The following CACNA1E variants were observed in gnomAD, a reference collection of about 807,000 sequenced individuals.
The protein encoded by CACNA1E is calcium voltage-gated channel subunit alpha1 E.
Under a neutral mutation model 259.2 loss-of-function variants are expected in CACNA1E, and 40 were observed. That is an observed-to-expected ratio of 0.15 (90% confidence interval 0.12 to 0.20). The LOEUF (loss-of-function observed/expected upper bound fraction) is 0.20. Among genes scored for constraint, CACNA1E ranks in the 10% least tolerant of loss-of-function variants. CACNA1E has a pLI of 1.00. For synonymous variants in CACNA1E, 1,104 were observed against 1,138.5 expected, an observed-to-expected ratio of 0.97 and a Z score of 0.61; for missense variants, 1,874 against 3,040.1, an observed-to-expected ratio of 0.62 and a Z score of 9.02.
chr1:181,611,620 C>T (rs1035261514), intron 6 of CACNA1E, among the ~76,000 whole-genome samples: 1 of 152,100 alleles, frequency 6.6e-6, no homozygotes, highest in African/African-American at 2.4e-5. Context: ...GTGGATCTAC[C>T]TCCAGAGGCC....
intron 1 of CACNA1E, among the ~76,000 whole-genome samples, chr1:181,372,407 T>A (rs1048491715): frequency 6.6e-6 from 1 of 152,174 alleles, no homozygotes; most frequent in Non-Finnish European, 1.5e-5. Flanking sequence ...TTGGATGTTA[T>A]TGGTGTATAG....
intron 3 of CACNA1E, among the ~76,000 whole-genome samples, chr1:181,569,644 A>G (rs1650206806): frequency 6.6e-6 from 1 of 152,184 alleles, no homozygotes; most frequent in Non-Finnish European, 1.5e-5. Context: ...ACCCCCTTTA[A>G]TTTGGATATC....
chr1:181,643,493 G>A (rs1657986705), intron 6 of CACNA1E, among the ~76,000 whole-genome samples: 1 of 152,168 alleles, frequency 6.6e-6, no homozygotes, highest in South Asian at 2.1e-4. Context: ...CCAAGAGCGT[G>A]GATGGGTTTT....
At chr1:181,361,273 C>A (rs1416456756) in intron 1 of CACNA1E, among the ~76,000 whole-genome samples, 5 of 152,076 alleles carry the variant, frequency 3.3e-5, no homozygotes, top group African/African-American at 7.2e-5. Context: ...TAAGCAGACT[C>A]AATGAGGGAA....
chr1:181,359,359 G>A (rs1165492006), intron 1 of CACNA1E, among the ~76,000 whole-genome samples: 2 of 152,278 alleles, frequency 1.3e-5, no homozygotes, highest in South Asian at 2.1e-4. Context: ...AGAAAGTGAC[G>A]TTTGCACTTG....
chr1:181,494,459 T>C (rs1349135427), intron 1 of CACNA1E, among the ~76,000 whole-genome samples: 2 of 152,174 alleles, frequency 1.3e-5, no homozygotes, highest in African/African-American at 4.8e-5. Flanking sequence ...TTTTTGAATC[T>C]AGATTCAGGA....
At chr1:181,529,845 T>C (rs1186356223) in intron 3 of CACNA1E, among the ~76,000 whole-genome samples, 5 of 152,190 alleles carry the variant, frequency 3.3e-5, no homozygotes, top group African/African-American at 1.2e-4. Context: ...TACAGGCTCA[T>C]AGGTGGAAGG....
intron 2 of CACNA1E, among the ~76,000 whole-genome samples, chr1:181,452,190 A>G (rs937222788): frequency 6.6e-6 from 1 of 152,202 alleles, no homozygotes; most frequent in Non-Finnish European, 1.5e-5. Context: ...TAGACTTTTG[A>G]GTTCCCTTTA....
At chr1:181,548,083 A>G (rs1234714082) in intron 3 of CACNA1E, among the ~76,000 whole-genome samples, 1 of 151,030 alleles carries the variant, frequency 6.6e-6, no homozygotes, top group Non-Finnish European at 1.5e-5. Flanking sequence ...CCTCCTGGTT[A>G]GAGGTAGGTA....
At chr1:181,486,772 G>A (rs1382192626) in intron 1 of CACNA1E, among the ~76,000 whole-genome samples, 1 of 152,102 alleles carries the variant, frequency 6.6e-6, no homozygotes, top group African/African-American at 2.4e-5. Context: ...TATTATTAAT[G>A]GCATCTTTCA....
intron 1 of CACNA1E, among the ~76,000 whole-genome samples, chr1:181,393,151 T>C (rs78978982): frequency 0.044 from 6,742 of 152,302 alleles, 263 homozygotes; most frequent in African/African-American, 0.1. Flanking sequence ...CTGAAATGTG[T>C]TTATCAGCTA....
intron 2 of CACNA1E, among the ~76,000 whole-genome samples, chr1:181,471,211 A>ATTAAGGACATGT (rs1477992126): frequency 2.0e-5 from 3 of 152,166 alleles, no homozygotes; most frequent in Non-Finnish European, 2.9e-5. Flanking sequence ...TGTCCTAAAG[A>ATTAAGGACATGT]CTTTACCTCT....
intron 1 of CACNA1E, among the ~76,000 whole-genome samples, chr1:181,491,969 C>T (rs1442416584): frequency 2.0e-5 from 3 of 152,076 alleles, no homozygotes; most frequent in African/African-American, 7.2e-5. Flanking sequence ...AGGAGGTTGC[C>T]AGGAGGTGGT....
At chr1:181,701,466 G>A (rs1281022765) in intron 7 of CACNA1E, among the ~76,000 whole-genome samples, 1 of 152,190 alleles carries the variant, frequency 6.6e-6, no homozygotes, top group Admixed American at 6.5e-5. Flanking sequence ...TGAACCCACT[G>A]AAATATTGTG....
At chr1:181,672,739 T>C (rs1287837251) in intron 7 of CACNA1E, among the ~76,000 whole-genome samples, 2 of 152,208 alleles carry the variant, frequency 1.3e-5, no homozygotes, top group East Asian at 3.8e-4. Context: ...TCACAGACAA[T>C]GCAAACATTT....
At chr1:181,651,559 C>T (rs1246715094) in intron 7 of CACNA1E, 118 bp downstream of exon 7, 2 of 692,082 alleles carry the variant, frequency 2.9e-6, no homozygotes, top group East Asian at 5.2e-5. Context: ...ACTTACCTAG[C>T]AGTTCCTCTG....
At chr1:181,750,793 G>C (rs1657525975) in intron 26 of CACNA1E, among the ~76,000 whole-genome samples, 3 of 152,140 alleles carry the variant, frequency 2.0e-5, no homozygotes, top group South Asian at 2.1e-4. Flanking sequence ...TCAGTGCAAG[G>C]CTTTTGGATT....
intron 1 of CACNA1E, among the ~76,000 whole-genome samples, chr1:181,344,858 G>A (rs1043415915): frequency 2.0e-5 from 3 of 152,196 alleles, no homozygotes; most frequent in African/African-American, 7.2e-5. Context: ...GTTGCCTCTG[G>A]TTTACACTGG....
chr1:181,539,941 G>A (rs558221421), intron 3 of CACNA1E, among the ~76,000 whole-genome samples: 1 of 152,288 alleles, frequency 6.6e-6, no homozygotes, highest in South Asian at 2.1e-4. Context: ...CAGGATGCCA[G>A]ATTTCAGGTC....
Sources: allele counts gnomAD v4.1 joint callset (sites outside exome capture counted in the v4.1 genomes callset), GRCh38; gene constraint gnomAD v4.1.1; transcripts MANE v1.5; gene names NCBI Gene and HGNC (gene_info 2026-07-23, HGNC 2026-07-21).